The following ATP11B variants were observed in gnomAD, a reference collection of about 807,000 sequenced individuals.
ATP11B encodes ATPase phospholipid transporting 11B (putative).
A neutral mutation model predicts 157.8 loss-of-function variants in ATP11B; 81 were observed. That is an observed-to-expected ratio of 0.51 (90% CI 0.43 to 0.62). The LOEUF (loss-of-function observed/expected upper bound fraction) is 0.62. Ranked by LOEUF, ATP11B falls within the 20% of genes least tolerant of loss-of-function variation. ATP11B has a pLI of 0.00. For synonymous variants in ATP11B, 451 were observed against 469.4 expected (o/e 0.96, Z 0.51); for missense variants, 1,165 against 1,402.2 (o/e 0.83, Z 2.70).
rs35665738 is a variant in ATP11B at position 182,861,943 on chromosome 3, C to CAAA, written c.1200+2597_1200+2599dup. 4.2e-3 allele frequency among the ~76,000 whole-genome samples: 565 copies of CAAA among 135,594 alleles called. 10 individuals carry two copies. The highest frequency in any genetic ancestry group is 0.012 in the South Asian group (49 of 4,180). 89.0% of individuals were successfully genotyped at this position (135,594 alleles called of 152,430 possible). On this transcript the variant is annotated intron_variant, in intron 12 of 29. Coordinates refer to ENST00000323116, the MANE Select transcript of ATP11B (RefSeq NM_014616.3). ...TGGGCAACAGAGTGAGACCCTGTCTCAAAAAAAAAAAAAAATGAAAGGCTG... is the reference window on the plus strand; with the variant it reads ...TGGGCAACAGAGTGAGACCCTGTCTCAAAAAAAAAAAAAAAAAATGAAAGGCTG...
At chr3:182,838,167 C>G (rs941547655) in intron 7 of ATP11B, among the ~76,000 whole-genome samples, 8 of 151,902 alleles carry the variant, frequency 5.3e-5, no homozygotes, top group African/African-American at 1.9e-4. Flanking sequence ...ATACTTTCAT[C>G]AAAGTCAAAT....
intron 1 of ATP11B, among the ~76,000 whole-genome samples, chr3:182,805,838 A>G (rs1020035158): frequency 6.6e-6 from 1 of 152,154 alleles, no homozygotes; most frequent in Non-Finnish European, 1.5e-5. Context: ...TATTCTAGAT[A>G]TAAGACCTTT....
intron 4 of ATP11B, 74 bp from the exon 5 acceptor site, chr3:182,835,961 T>A (rs1718516239): frequency 7.6e-7 from 1 of 1,308,976 alleles, no homozygotes; most frequent in Non-Finnish European, 1.1e-6. Context: ...AGTTTTTGAG[T>A]TTTTTTTCTT....
chr3:182,868,802 TA>T (rs1248393553), intron 15 of ATP11B, among the ~76,000 whole-genome samples: 1 of 152,198 alleles, frequency 6.6e-6, no homozygotes, highest in East Asian at 1.9e-4. Flanking sequence ...TCCTCATCTA[TA>T]AAAATGAGAT....
intron 1 of ATP11B, 36 bp downstream of exon 1, chr3:182,793,822 C>T: frequency 3.1e-6 from 4 of 1,293,312 alleles, no homozygotes; most frequent in Non-Finnish European, 4.0e-6. Context: ...CATTCGTCCG[C>T]CCCCGCGGGG....
chr3:182,920,256 C>CTTTA lies in ATP11B; in HGVS notation c.*2156_*2159dup. 1 of 152,134 alleles carries CTTTA rather than the reference C, an allele frequency of 6.6e-6. No individual in the cohort carries two copies. Among genetic ancestry groups the CTTTA allele is most frequent in the Non-Finnish European group, 1.5e-5 (1 of 68,008 alleles). 9.4% of individuals were successfully genotyped at this position (152,134 alleles called of 1,614,324 possible). On this transcript the variant is annotated 3_prime_UTR_variant, in exon 30 of 30. Coordinates refer to ENST00000323116, the MANE Select transcript of ATP11B (RefSeq NM_014616.3). ...ACCATTTGAAGTTAGTTAAGGAGAA[C>CTTTA]TTTATTTTTTTAAAAAAAGTAAATG... is the stretch of plus-strand genomic sequence containing the variant.
intron 1 of ATP11B, among the ~76,000 whole-genome samples, chr3:182,796,267 T>C (rs1449444102): frequency 6.6e-6 from 1 of 152,230 alleles, no homozygotes; most frequent in Non-Finnish European, 1.5e-5. Context: ...AATTCTCTTA[T>C]GGTGTCTTTG....
At position 182,865,656 on chromosome 3, in the gene ATP11B, C is replaced by T. The variant is rs767500823; in HGVS notation, c.1401C>T (p.Thr467=). The T allele has an allele frequency of 6.2e-7, 1 of 1,613,458 alleles. No individual in the cohort carries two copies. Among genetic ancestry groups the T allele is most frequent in the Non-Finnish European group, 8.5e-7 (1 of 1,179,588 alleles). ...TTAACAACTTATCCCATCTTACAAC[C>T]AGTTCCTCTTTCAGAACCAGTCCTG... ...SHLNNLSHLT[T]SSSFRTSPEN... Residue 467 remains threonine (T), a synonymous_variant, in exon 13 of 30, where the codon ACC becomes ACT. Coordinates refer to ENST00000323116, the MANE Select transcript of ATP11B (RefSeq NM_014616.3).
Position 182,889,650 on chromosome 3 carries a change from G to A in ATP11B, c.2982+102G>A, listed in dbSNP as rs759758879. The A allele has an allele frequency of 4.8e-6, 5 of 1,036,648 alleles. No individual in the cohort carries two copies. In the African/African-American group the frequency reaches 6.9e-5, roughly 14 times the overall value. The allele number at this position is 1,036,648 out of a possible 1,614,324, so 64.2% of individuals were successfully genotyped here. ...TTTAATTTAAATTACAGAACTTCAAGTATTAAAATGCAAATATAAAAAGGT... is the reference window on the plus strand; with the variant it reads ...TTTAATTTAAATTACAGAACTTCAAATATTAAAATGCAAATATAAAAAGGT... On this transcript the variant is annotated intron_variant, in intron 25 of 29. Transcript: ENST00000323116.
rs1374705848 is a variant in ATP11B, at chr3:182,868,943, TATC to T, written c.1689-129_1689-127del. On this transcript the variant is annotated intron_variant, in intron 15 of 29. Transcript: ENST00000323116. ...GTTTTGTTATTAATGGCATGTAACC[TATC>T]ATCATGAAAATGGTATTAATTCTTG... 1.1e-4 allele frequency: 62 copies of T among 582,350 alleles called. No homozygotes were observed. In the East Asian group the frequency reaches 1.7e-3, roughly 16 times the overall value. The allele number at this position is 582,350 out of a possible 1,614,324, so 36.1% of individuals were successfully genotyped here. A position where few individuals can be genotyped will look rare whatever the true frequency, so the allele number is the denominator to read the frequency against.
At chr3:182,912,142 G>T (rs1724837713) in intron 28 of ATP11B, among the ~76,000 whole-genome samples, 1 of 152,118 alleles carries the variant, frequency 6.6e-6, no homozygotes, top group Non-Finnish European at 1.5e-5. Context: ...TTTGAGATTG[G>T]GAAAACTGGA....
chr3:182,805,680 C>T (rs1044768086), intron 1 of ATP11B, among the ~76,000 whole-genome samples: 5 of 149,714 alleles, frequency 3.3e-5, no homozygotes, highest in African/African-American at 7.4e-5. Context: ...AGACTGGTCT[C>T]GAACTCCTAA....
intron 17 of ATP11B, among the ~76,000 whole-genome samples, chr3:182,870,220 A>G (rs1721550761): frequency 6.6e-6 from 1 of 152,218 alleles, no homozygotes; most frequent in South Asian, 2.1e-4. Context: ...GAGGTGAATT[A>G]TATCTCTCAT....
intron 29 of ATP11B, 64 bp from the exon 30 acceptor site, chr3:182,917,959 A>G: frequency 6.3e-7 from 1 of 1,587,964 alleles, no homozygotes; most frequent in Non-Finnish European, 8.6e-7. Context: ...TTTTAGAGTA[A>G]ATTTTTTTCT....
At chr3:182,857,744 C>A (rs181628799) in intron 10 of ATP11B, 134 bp from the exon 11 acceptor site, 310 of 500,968 alleles carry the variant, frequency 6.2e-4, no homozygotes, top group Middle Eastern at 1.1e-3. Flanking sequence ...AAAACAAAAG[C>A]TGTGTATTTT....
intron 25 of ATP11B, 21 bp from the exon 26 acceptor site, chr3:182,896,679 T>C (rs1319218114): frequency 6.3e-7 from 1 of 1,586,912 alleles, no homozygotes; most frequent in Non-Finnish European, 8.7e-7. Context: ...CGTAATGTAA[T>C]AGTGTATTCT....
chr3:182,835,795 G>A (rs1034650924), intron 4 of ATP11B, among the ~76,000 whole-genome samples: 4 of 152,098 alleles, frequency 2.6e-5, no homozygotes, highest in African/African-American at 7.2e-5. Flanking sequence ...CCTCCTTAAG[G>A]AAATTGAGAA....
chr3:182,874,903 C>G (rs1398962063), intron 19 of ATP11B, among the ~76,000 whole-genome samples: 2 of 151,868 alleles, frequency 1.3e-5, no homozygotes, highest in Non-Finnish European at 2.9e-5. Flanking sequence ...TCAATTTTGC[C>G]TCTTGGCCCA....
rs569945468 is a variant in ATP11B, at chr3:182,809,897, G to A, written c.28-10363G>A. On this transcript the variant is annotated intron_variant, in intron 1 of 29. Transcript: ENST00000323116. ...GTATTCAGTAAGTATTCTTTGATTG[G>A]TTGCTAAAGTACATTTTTAAAAAAT... Among the ~76,000 whole-genome samples the A allele has an allele frequency of 3.9e-5, 6 of 152,176 alleles. No homozygotes were observed. The East Asian group carries it at 9.6e-4, about 24-fold the overall frequency.
Sources: allele counts gnomAD v4.1 joint callset (sites outside exome capture counted in the v4.1 genomes callset), GRCh38; gene constraint gnomAD v4.1.1; transcripts MANE v1.5; gene names NCBI Gene and HGNC (gene_info 2026-07-23, HGNC 2026-07-21).